ADGRF1: variants seen among roughly 807,000 people sequenced by gnomAD.
ADGRF1 encodes G protein-coupled receptor 110.
ADGRF1 carries 85 observed loss-of-function variants against 87.2 expected under a neutral mutation model. The observed-to-expected ratio is 0.97, with a 90% CI of 0.82 to 1.17. ADGRF1 has a LOEUF of 1.17. ADGRF1 is among the 50% of genes most tolerant of loss of function. The pLI, the probability that ADGRF1 is intolerant of heterozygous loss-of-function variation, is 0.00. For missense variants in ADGRF1, 1,169 were observed against 1,077.2 expected, an observed-to-expected ratio of 1.09 and a Z score of -1.19; for synonymous variants, 430 against 408.8, an observed-to-expected ratio of 1.05 and a Z score of -0.63.
chr6:47,002,960 A>G (rs1779401804), intron 13 of ADGRF1, among the ~76,000 whole-genome samples: 2 of 152,122 alleles, frequency 1.3e-5, no homozygotes, highest in South Asian at 2.1e-4. Context: ...TCCTTTAGCT[A>G]TCTCTCAGAG....
intron 11 of ADGRF1, among the ~76,000 whole-genome samples, chr6:47,008,243 A>G (rs943374220): frequency 3.3e-5 from 5 of 152,144 alleles, no homozygotes; most frequent in African/African-American, 1.2e-4. Flanking sequence ...ACCTTCACTG[A>G]ACTGGGACTG....
chr6:47,037,883 C>G (rs143069787), intron 1 of ADGRF1, among the ~76,000 whole-genome samples: 9 of 152,092 alleles, frequency 5.9e-5, no homozygotes, highest in African/African-American at 2.2e-4. Flanking sequence ...TGTTTTGAGA[C>G]GGAGTCACGC....
chr6:47,036,033 C>A (rs1261674472), intron 1 of ADGRF1, among the ~76,000 whole-genome samples: 1 of 152,134 alleles, frequency 6.6e-6, no homozygotes, highest in African/African-American at 2.4e-5. Context: ...GAGTTCGAGA[C>A]CAGCCTGGGC....
chr6:47,033,157 G>A (rs544297983), intron 1 of ADGRF1, among the ~76,000 whole-genome samples: 41 of 152,284 alleles, frequency 2.7e-4, no homozygotes, highest in African/African-American at 9.6e-4. Flanking sequence ...TGTGGCTGCT[G>A]GGGCCAGTGA....
At position 47,024,128 on chromosome 6, in the gene ADGRF1, A is replaced by G; in HGVS notation, c.367T>C (p.Tyr123His). The G allele has an allele frequency of 4.3e-6, 7 of 1,614,106 alleles. No homozygotes were observed. The highest frequency in any genetic ancestry group is 5.9e-6 in the Non-Finnish European group (7 of 1,179,936). ...GGGAGTGCTCCAGCCGTGTGAAGGT[A>G]GCAGTTCTGGGGATCAAGGCATGAG... ...PPSCLDPQNCYLHTAGALPSC... is the reference protein window; with the variant it reads ...PPSCLDPQNCHLHTAGALPSC... The change falls in exon 5 of 15, where the codon TAC (tyrosine) becomes CAC (histidine). Residue 123 changes from tyrosine to histidine, a missense_variant. Transcript: ENST00000371253.
chr6:47,001,321 T>A (rs1188582598), intron 14 of ADGRF1, among the ~76,000 whole-genome samples, 180 bp downstream of exon 14: 1 of 152,210 alleles, frequency 6.6e-6, no homozygotes, highest in Non-Finnish European at 1.5e-5. Flanking sequence ...GAGCATCAAG[T>A]CACCTACATT....
At chr6:47,036,810 C>T (rs938016644) in intron 1 of ADGRF1, among the ~76,000 whole-genome samples, 3 of 152,140 alleles carry the variant, frequency 2.0e-5, no homozygotes, top group African/African-American at 4.8e-5. Context: ...AGTTGACTGG[C>T]ATTCCACCTA....
rs917070349 is a variant in ADGRF1, at chr6:47,019,359, C to T, written c.611+1372G>A. The T allele has an allele frequency of 4.1e-6, 4 of 985,104 alleles. No homozygotes were observed. The African/African-American group carries it at 7.0e-5, about 17-fold the overall frequency. 61.0% of individuals were successfully genotyped at this position (985,104 alleles called of 1,614,324 possible). On this transcript the variant is annotated intron_variant, in intron 7 of 14. Coordinates refer to ENST00000371253, the MANE Select transcript of ADGRF1 (RefSeq NM_153840.4). ...ATGACTTAAAGGATAATGCCCAGAA[C>T]AACATGTTTATAGCAAATGCTGTTG...
chr6:47,008,814 C>T lies in ADGRF1; in HGVS notation c.2490+131G>A, dbSNP rs947422258. On this transcript the variant is annotated intron_variant, in intron 11 of 14. Coordinates refer to ENST00000371253, the MANE Select transcript of ADGRF1 (RefSeq NM_153840.4). Reference sequence around the variant, plus strand: ...AAATATTTTTTTCTATTTATTGTTTCCATGCAGTTTTTCTGATGGTCTTGC... The same window carrying T: ...AAATATTTTTTTCTATTTATTGTTTTCATGCAGTTTTTCTGATGGTCTTGC... The T allele has an allele frequency of 1.8e-5, 13 of 734,714 alleles. No homozygotes were observed. The Admixed American group carries it at 2.3e-4, about 13-fold the overall frequency. 45.5% of individuals were successfully genotyped at this position (734,714 alleles called of 1,614,324 possible).
intron 9 of ADGRF1, chr6:47,012,655 C>A: frequency 1.0e-6 from 1 of 988,578 alleles, no homozygotes; most frequent in Non-Finnish European, 1.2e-6. Flanking sequence ...TGGTAGTAAT[C>A]CTGTTATGTT....
At position 47,027,935 on chromosome 6, in the gene ADGRF1, A is replaced by G. The variant is rs111278451; in HGVS notation, c.70-174T>C. Reference sequence around the variant, plus strand: ...GCAACTTTTAAGCAAACACCTGAAGAGTAAGAATATGCCTGGCAGGTAAAG... The same window carrying G: ...GCAACTTTTAAGCAAACACCTGAAGGGTAAGAATATGCCTGGCAGGTAAAG... On this transcript the variant is annotated intron_variant, in intron 2 of 14. Coordinates refer to ENST00000371253, the MANE Select transcript of ADGRF1 (RefSeq NM_153840.4). Among the ~76,000 whole-genome samples, 562 of 152,244 alleles carry G rather than the reference A, an allele frequency of 3.7e-3. 8 individuals carry two copies. Among genetic ancestry groups the G allele is most frequent in the South Asian group, 0.024 (116 of 4,818 alleles).
intron 13 of ADGRF1, among the ~76,000 whole-genome samples, chr6:47,004,847 A>G (rs1381829507): frequency 6.6e-6 from 1 of 152,240 alleles, no homozygotes; most frequent in Non-Finnish European, 1.5e-5. Context: ...CTAAGATCAC[A>G]CAGTCAATTG....
At chr6:47,016,465 G>C in intron 8 of ADGRF1, 152 bp downstream of exon 8, 1 of 754,980 alleles carries the variant, frequency 1.3e-6, no homozygotes, top group Non-Finnish European at 2.0e-6. Context: ...TTTCATCTTG[G>C]TGCTGGGGGA....
chr6:47,037,251 A>G (rs912828344), intron 1 of ADGRF1, among the ~76,000 whole-genome samples: 6 of 152,066 alleles, frequency 3.9e-5, no homozygotes, highest in Non-Finnish European at 5.9e-5. Context: ...TCAGGGGTTT[A>G]CTGACCATTT....
rs1779315404 is a variant in ADGRF1 at position 46,999,953 on chromosome 6, G to C, written c.*269C>G. The C allele has an allele frequency of 2.9e-6, 1 of 350,594 alleles. No individual in the cohort carries two copies. Among genetic ancestry groups the C allele is most frequent in the Non-Finnish European group, 5.3e-6 (1 of 188,340 alleles). The allele number at this position is 350,594 out of a possible 1,614,324, so 21.7% of individuals were successfully genotyped here. On this transcript the variant is annotated 3_prime_UTR_variant, in exon 15 of 15. Coordinates refer to ENST00000371253, the MANE Select transcript of ADGRF1 (RefSeq NM_153840.4). Reference sequence around the variant, plus strand: ...AATAGAAACCATATTTTATGGTCAGGGTACAACTGACACGATTTCCAACAA... The same window carrying C: ...AATAGAAACCATATTTTATGGTCAGCGTACAACTGACACGATTTCCAACAA...
rs1296564472 is a variant in ADGRF1, at chr6:47,009,962, T to C, written c.1473A>G (p.Leu491=). 6.2e-7 allele frequency: 1 copy of C among 1,614,000 alleles called. No individual in the cohort carries two copies. The highest frequency in any genetic ancestry group is 2.2e-5 in the East Asian group (1 of 44,896). ...GAGCATTTCCATTTTTGGAAACGGG[T>C]AGAATGTTCCCCAGAGTCAACGAGG... ...SMASLTLGNI[L]PVSKNGNAQV... is the part of the protein sequence containing the mutation. The change falls in exon 11 of 15, where the codon CTA becomes CTG. Residue 491 remains leucine (L), a synonymous_variant. Transcript: ENST00000371253.
chr6:47,000,983 A>T (rs1328553110), intron 14 of ADGRF1, among the ~76,000 whole-genome samples: 1 of 152,232 alleles, frequency 6.6e-6, no homozygotes, highest in Non-Finnish European at 1.5e-5. Context: ...AGTAACCGCC[A>T]ATCAATGAAC....
intron 9 of ADGRF1, chr6:47,013,642 T>C (rs1690336636): frequency 1.0e-6 from 1 of 985,414 alleles, no homozygotes; most frequent in Non-Finnish European, 1.2e-6. Flanking sequence ...TAAGAGAGCA[T>C]CATGTGGAGG....
intron 1 of ADGRF1, 51 bp downstream of exon 1, chr6:47,042,140 G>T (rs1395847412): frequency 1.3e-5 from 2 of 151,958 alleles, no homozygotes; most frequent in African/African-American, 4.8e-5. Flanking sequence ...AGGTAGTACT[G>T]GTCATCGTAA....
Sources: allele counts gnomAD v4.1 joint callset (sites outside exome capture counted in the v4.1 genomes callset), GRCh38; gene constraint gnomAD v4.1.1; transcripts MANE v1.5; gene names NCBI Gene and HGNC (gene_info 2026-07-23, HGNC 2026-07-21).